The following EPHB2 variants were observed in gnomAD, a reference collection of about 807,000 sequenced individuals.
EPHB2 encodes the protein EPH receptor B2, also known as ephrin type-B receptor 2.
In EPHB2, 18 loss-of-function variants were observed where a neutral mutation model predicts 96.4. That is an observed-to-expected ratio of 0.19 (90% confidence interval 0.13 to 0.28). The LOEUF (loss-of-function observed/expected upper bound fraction) is 0.28. EPHB2 is among the 10% of genes least tolerant of loss of function. EPHB2 has a pLI of 1.00. For synonymous variants in EPHB2, 506 were observed against 534.1 expected (o/e 0.95, Z 0.72); for missense variants, 989 against 1,355.4 (o/e 0.73, Z 4.25).
chr1:22,881,553 T>C (rs1570432186), intron 5 of EPHB2, among the ~76,000 whole-genome samples: 1 of 151,890 alleles, frequency 6.6e-6, no homozygotes, highest in Admixed American at 6.5e-5. Flanking sequence ...TCTCAAAAAA[T>C]AACAATCATA....
chr1:22,906,992 T>C lies in EPHB2; in HGVS notation c.2136+35T>C. The C allele has an allele frequency of 1.3e-6, 2 of 1,578,240 alleles. No individual in the cohort carries two copies. Among genetic ancestry groups the C allele is most frequent in the Non-Finnish European group, 1.7e-6 (2 of 1,161,746 alleles). On this transcript the variant is annotated intron_variant, in intron 11 of 15. Transcript: ENST00000374630. This position sits in a 1 kb window ranked among gnomAD's most constrained non-coding sequence, Gnocchi z 4.8. ...GCCAAGAGGGCCAGGGGCCCATGAA[T>C]GGGGCAGGAAAAGGAACGATGGACA...
At chr1:22,736,492 G>T (rs960510063) in intron 1 of EPHB2, among the ~76,000 whole-genome samples, 2 of 152,166 alleles carry the variant, frequency 1.3e-5, no homozygotes, top group Non-Finnish European at 2.9e-5. Flanking sequence ...CCACAGACCC[G>T]CCTCAGTCAC....
At chr1:22,795,090 C>T (rs1329908473) in intron 3 of EPHB2, among the ~76,000 whole-genome samples, 3 of 152,150 alleles carry the variant, frequency 2.0e-5, no homozygotes, top group Admixed American at 6.5e-5. Flanking sequence ...TGTTTGGGCA[C>T]CCCCGTCCCT....
intron 1 of EPHB2, among the ~76,000 whole-genome samples, chr1:22,726,239 T>G (rs1165199463): frequency 6.6e-6 from 1 of 152,156 alleles, no homozygotes; most frequent in African/African-American, 2.4e-5. Flanking sequence ...CTCTTCATCC[T>G]CCTCTACCTC....
At chr1:22,735,438 C>T (rs1193322747) in intron 1 of EPHB2, among the ~76,000 whole-genome samples, 1 of 138,082 alleles carries the variant, frequency 7.2e-6, no homozygotes, top group African/African-American at 2.7e-5. Context: ...GACCCGGTAT[C>T]AAAAAAAAAA....
intron 1 of EPHB2, among the ~76,000 whole-genome samples, chr1:22,752,553 AAAAT>A (rs1387760608): frequency 5.3e-5 from 8 of 150,552 alleles, no homozygotes; most frequent in Non-Finnish European, 1.0e-4. Context: ...ATAAAATAAT[AAAAT>A]AAAATATAAA....
At chr1:22,827,288 T>C (rs1456968949) in intron 3 of EPHB2, among the ~76,000 whole-genome samples, 1 of 152,166 alleles carries the variant, frequency 6.6e-6, no homozygotes, top group Non-Finnish European at 1.5e-5. Context: ...GGTCCTCTCT[T>C]TTGTCTTGCA....
intron 1 of EPHB2, among the ~76,000 whole-genome samples, chr1:22,722,185 C>T (rs918899444): frequency 4.0e-5 from 6 of 151,668 alleles, no homozygotes; most frequent in Non-Finnish European, 5.9e-5. Context: ...TTGGTAGAGA[C>T]GGAGTCTTGC....
intron 6 of EPHB2, among the ~76,000 whole-genome samples, chr1:22,886,173 G>A (rs893119999): frequency 6.6e-6 from 1 of 152,222 alleles, no homozygotes; most frequent in African/African-American, 2.4e-5. Context: ...TGACACTTAA[G>A]CTGAGTCTTG....
At chr1:22,838,467 G>A (rs1273653927) in intron 3 of EPHB2, among the ~76,000 whole-genome samples, 2 of 152,190 alleles carry the variant, frequency 1.3e-5, no homozygotes, top group Non-Finnish European at 1.5e-5. Flanking sequence ...TTTTAGCTCC[G>A]CTTACGTTAA....
chr1:22,896,237 T>C (rs558918340), intron 8 of EPHB2, among the ~76,000 whole-genome samples, 177 bp from the exon 9 acceptor site: 1 of 152,098 alleles, frequency 6.6e-6, no homozygotes, highest in Admixed American at 6.5e-5. Context: ...GATGAGAACC[T>C]GGACTTGAGG....
intron 9 of EPHB2, among the ~76,000 whole-genome samples, chr1:22,902,936 AAGAG>A (rs1481251307): frequency 6.6e-6 from 1 of 152,232 alleles, no homozygotes; most frequent in African/African-American, 2.4e-5. Context: ...CACAAAAAGA[AAGAG>A]AGAGTGTTCC....
At chr1:22,903,865 C>T (rs907565964) in intron 9 of EPHB2, among the ~76,000 whole-genome samples, 6 of 152,220 alleles carry the variant, frequency 3.9e-5, no homozygotes, top group African/African-American at 1.4e-4. Flanking sequence ...CCATTTCCTC[C>T]TCCCAGGCAC....
At chr1:22,786,346 G>T (rs1373296226) in intron 3 of EPHB2, among the ~76,000 whole-genome samples, 1 of 152,182 alleles carries the variant, frequency 6.6e-6, no homozygotes, top group African/African-American at 2.4e-5. Flanking sequence ...GGTGGTGCTG[G>T]GGGTATAGGG....
At chr1:22,743,961 C>T (rs1643935107) in intron 1 of EPHB2, among the ~76,000 whole-genome samples, 1 of 152,128 alleles carries the variant, frequency 6.6e-6, no homozygotes, top group Non-Finnish European at 1.5e-5. Flanking sequence ...ATCTGAACCC[C>T]CAAATTACAA....
chr1:22,912,463 G>C lies in EPHB2; in HGVS notation c.2716G>C (p.Asp906His), dbSNP rs1431497843. The C allele has an allele frequency of 6.2e-7, 1 of 1,613,992 alleles. No individual in the cohort carries two copies. The highest frequency in any genetic ancestry group is 8.5e-7 in the Non-Finnish European group (1 of 1,180,046). ...CCCCAGCATCAACCTGCCGCTGCTGGACCGCACGATCCCCGACTACACCAG... is the reference window on the plus strand; with the variant it reads ...CCCCAGCATCAACCTGCCGCTGCTGCACCGCACGATCCCCGACTACACCAG... Reference protein sequence around the residue: ...LSSGINLPLLDRTIPDYTSFN... With the variant: ...LSSGINLPLLHRTIPDYTSFN... Residue 906 changes from aspartate (D) to histidine (H), a missense_variant, in exon 15 of 16, where the codon GAC becomes CAC. Transcript: ENST00000374630.
chr1:22,728,985 C>T (rs549714024), intron 1 of EPHB2, among the ~76,000 whole-genome samples: 1 of 152,348 alleles, frequency 6.6e-6, no homozygotes, highest in Non-Finnish European at 1.5e-5. Context: ...GCCAGGCTGC[C>T]GTTCTGTCTG....
At chr1:22,754,803 G>A (rs1373936193) in intron 1 of EPHB2, among the ~76,000 whole-genome samples, 4 of 104,844 alleles carry the variant, frequency 3.8e-5, no homozygotes, top group South Asian at 3.8e-4. Context: ...GACAGGGGAG[G>A]TGAGAGGCAG....
intron 1 of EPHB2, among the ~76,000 whole-genome samples, chr1:22,732,749 C>T (rs893862411): frequency 1.3e-5 from 2 of 152,178 alleles, no homozygotes; most frequent in Non-Finnish European, 2.9e-5. Flanking sequence ...TTACAAGGCG[C>T]GCTCACATTG....
Sources: gnomAD v4.1 joint callset for allele counts (sites outside exome capture counted in the v4.1 genomes callset) on GRCh38, gnomAD v4.1.1 for gene constraint, Gnocchi (gnomAD v3.1) non-coding constraint, MANE v1.5 for transcripts, NCBI Gene and HGNC (gene_info 2026-07-23, HGNC 2026-07-21) for gene names.